The following DLG2 variants were observed in gnomAD, a reference collection of about 807,000 sequenced individuals.
DLG2 encodes discs large MAGUK scaffold protein 2.
In DLG2, 45 loss-of-function variants were observed where a neutral mutation model predicts 132.5. The ratio of observed to expected loss-of-function variants is 0.34; its 90% CI spans 0.27 to 0.44. The LOEUF (loss-of-function observed/expected upper bound fraction) is 0.44, where lower values mean the gene tolerates loss of function less well. Among genes scored for constraint, DLG2 ranks in the 20% least tolerant of loss-of-function variants. DLG2 has a pLI of 1.00. For missense variants in DLG2, 1,045 were observed against 1,196.9 expected, an observed-to-expected ratio of 0.87 and a Z score of 1.87; for synonymous variants, 424 against 419.6, an observed-to-expected ratio of 1.01 and a Z score of -0.13.
At chr11:83,884,861 C>CTCCA (rs2067372628) in intron 15 of DLG2, among the ~76,000 whole-genome samples, 1 of 152,136 alleles carries the variant, frequency 6.6e-6, no homozygotes, top group African/African-American at 2.4e-5. Flanking sequence ...CTCTAGCAAA[C>CTCCA]TCCAACAGAC....
chr11:84,425,076 T>G (rs1223791489), intron 7 of DLG2, among the ~76,000 whole-genome samples: 1 of 152,126 alleles, frequency 6.6e-6, no homozygotes, highest in African/African-American at 2.4e-5. Context: ...GCTGGATCAT[T>G]TCTGTATCCA....
intron 15 of DLG2, among the ~76,000 whole-genome samples, chr11:83,890,854 A>C (rs778817679): frequency 1.3e-5 from 2 of 152,154 alleles, no homozygotes; most frequent in Non-Finnish European, 2.9e-5. Flanking sequence ...CTAAGAATGG[A>C]ATCTGCAGGA....
chr11:84,121,401 A>G (rs1259368962), intron 9 of DLG2, among the ~76,000 whole-genome samples: 1 of 152,194 alleles, frequency 6.6e-6, no homozygotes, highest in East Asian at 1.9e-4. Context: ...TATATAGGTC[A>G]CTTAAGCAAT....
At chr11:83,984,343 G>A (rs2093072405) in intron 11 of DLG2, among the ~76,000 whole-genome samples, 2 of 152,156 alleles carry the variant, frequency 1.3e-5, no homozygotes, top group Middle Eastern at 3.4e-3. Flanking sequence ...TCCTCTCAGA[G>A]CCAGAGCATG....
At chr11:85,166,842 T>C (rs991147900) in intron 4 of DLG2, among the ~76,000 whole-genome samples, 2 of 152,136 alleles carry the variant, frequency 1.3e-5, no homozygotes, top group Admixed American at 6.6e-5. Context: ...TTACACAATA[T>C]GTATGGACAA....
chr11:83,648,028 C>A (rs1166019233), intron 18 of DLG2: 1 of 152,146 alleles, frequency 6.6e-6, no homozygotes, highest in African/African-American at 2.4e-5. Context: ...TTTATTAAAG[C>A]TTTCCTACCT....
intron 6 of DLG2, among the ~76,000 whole-genome samples, chr11:84,814,564 C>T (rs1402118396): frequency 6.6e-6 from 1 of 152,076 alleles, no homozygotes; most frequent in African/African-American, 2.4e-5. Context: ...TCCCTCCCTC[C>T]ACAGCCTTCA....
intron 3 of DLG2, among the ~76,000 whole-genome samples, chr11:85,531,726 A>C (rs941544274): frequency 6.6e-5 from 10 of 152,212 alleles, no homozygotes; most frequent in African/African-American, 2.4e-4. Context: ...ATCAGGTTAC[A>C]CAGCGGTGGA....
At chr11:84,295,370 A>G (rs1160776379) in intron 7 of DLG2, among the ~76,000 whole-genome samples, 2 of 152,220 alleles carry the variant, frequency 1.3e-5, no homozygotes, top group East Asian at 3.8e-4. Context: ...GCCATCACAT[A>G]AAGCACATGG....
chr11:84,407,037 T>C (rs534187586), intron 7 of DLG2, among the ~76,000 whole-genome samples: 1 of 152,256 alleles, frequency 6.6e-6, no homozygotes, highest in Admixed American at 6.5e-5. Context: ...GGCCTCATCA[T>C]TAACCTATTA....
chr11:83,872,722 T>C (rs1411279708), intron 16 of DLG2, among the ~76,000 whole-genome samples: 1 of 152,212 alleles, frequency 6.6e-6, no homozygotes, highest in African/African-American at 2.4e-5. Flanking sequence ...AGTTTGGAGA[T>C]AGCCTTAGAA....
Position 85,495,983 on chromosome 11 carries a change from G to A in DLG2, c.40+102674C>T, listed in dbSNP as rs116271965. On this transcript the variant is annotated intron_variant, in intron 3 of 27. Transcript: ENST00000376104. ...CAGCTCTACAGCTCCCAGTGAGATC[G>A]ACGCAGAAGACACGTGATTTCTGCA... Among the ~76,000 whole-genome samples the A allele has an allele frequency of 2.6e-3, 394 of 152,270 alleles. 4 individuals are homozygous for A. Among genetic ancestry groups the A allele is most frequent in the African/African-American group, 9.1e-3 (380 of 41,552 alleles).
intron 3 of DLG2, among the ~76,000 whole-genome samples, chr11:85,403,531 T>C (rs1299257206): frequency 6.6e-6 from 1 of 151,228 alleles, no homozygotes; most frequent in Non-Finnish European, 1.5e-5. Context: ...GAGAAGGACA[T>C]AACAAGCAAA....
At chr11:83,958,077 C>T (rs1458133830) in intron 14 of DLG2, among the ~76,000 whole-genome samples, 1 of 152,144 alleles carries the variant, frequency 6.6e-6, no homozygotes, top group African/African-American at 2.4e-5. Context: ...GCACCTTGAC[C>T]AGTTTGTTCA....
Position 85,256,870 on chromosome 11 carries a change from T to C in DLG2, c.186+28350A>G, listed in dbSNP as rs183499238. Among the ~76,000 whole-genome samples the C allele has an allele frequency of 2.9e-3, 437 of 150,862 alleles. 1 individual carries two copies. Among genetic ancestry groups the C allele is most frequent in the Non-Finnish European group, 3.4e-3 (232 of 68,026 alleles). ...TATTTGCAACAGCTCAAGAGATAAT[T>C]AATCAGAAAATATTGTATTCAGAAA... On this transcript the variant is annotated intron_variant, in intron 4 of 27. Coordinates refer to ENST00000376104, the MANE Select transcript of DLG2 (RefSeq NM_001142699.3).
At chr11:83,915,318 G>C (rs143128903) in intron 15 of DLG2, among the ~76,000 whole-genome samples, 1 of 152,176 alleles carries the variant, frequency 6.6e-6, no homozygotes, top group Non-Finnish European at 1.5e-5. Context: ...GGCTGGGAAG[G>C]AGAGTATTAA....
At chr11:84,041,979 T>C (rs1197368867) in intron 11 of DLG2, among the ~76,000 whole-genome samples, 3 of 151,924 alleles carry the variant, frequency 2.0e-5, no homozygotes, top group African/African-American at 2.4e-5. Flanking sequence ...CCATGTGAGA[T>C]GTGCCTTTCA....
rs77929783 is a variant in DLG2, at chr11:84,689,120, C to T, written c.358-154389G>A. On this transcript the variant is annotated intron_variant, in intron 6 of 27. Transcript: ENST00000376104. ...TACCTGTTTTTTCAACATTCAAAAA[C>T]GTAAATAACTATGAAATGAGAAATT... Among the ~76,000 whole-genome samples the T allele has an allele frequency of 6.3e-3, 956 of 152,156 alleles. 45 individuals are homozygous for T. In the South Asian group the frequency reaches 0.1, roughly 16 times the overall value.
chr11:83,689,660 C>T (rs1391199317), intron 18 of DLG2, among the ~76,000 whole-genome samples: 1 of 151,870 alleles, frequency 6.6e-6, no homozygotes, highest in Non-Finnish European at 1.5e-5. Flanking sequence ...AATGTACTTA[C>T]ATTAAATGTC....
Sources: gnomAD v4.1 joint callset for allele counts (sites outside exome capture counted in the v4.1 genomes callset) on GRCh38, gnomAD v4.1.1 for gene constraint, MANE v1.5 for transcripts, NCBI Gene and HGNC (gene_info 2026-07-23, HGNC 2026-07-21) for gene names.